TTC39C: variants seen among roughly 807,000 people sequenced by gnomAD.
TTC39C encodes the protein tetratricopeptide repeat domain 39C.
TTC39C carries 33 observed loss-of-function variants against 76.3 expected under a neutral mutation model. The ratio of observed to expected loss-of-function variants is 0.43; its 90% CI spans 0.33 to 0.58. The LOEUF is 0.58. Ranked by LOEUF, TTC39C falls within the 20% of genes least tolerant of loss-of-function variation. TTC39C has a pLI of 0.04. For synonymous variants in TTC39C, 254 were observed against 260.6 expected (o/e 0.97, Z 0.24); for missense variants, 595 against 701.4 (o/e 0.85, Z 1.71).
At chr18:24,092,593 C>A (rs2084537757) in intron 6 of TTC39C, among the ~76,000 whole-genome samples, 1 of 152,064 alleles carries the variant, frequency 6.6e-6, no homozygotes, top group South Asian at 2.1e-4. Flanking sequence ...CATGGAGGAA[C>A]CTTGAAAACA....
rs373312838 is a variant in TTC39C at position 24,019,893 on chromosome 18, G to A, written c.167+4855G>A. On this transcript the variant is annotated intron_variant, in intron 1 of 13. Transcript: ENST00000317571. The stretch of plus-strand genomic sequence containing the variant: ...TTTTGACTTCTGAGAAAACCTCAGC[G>A]CTTCCTGGAGAAACTCAAAGGCGCT... 6.0e-5 allele frequency: 92 copies of A among 1,525,538 alleles called. 1 individual carries two copies. The African/African-American group carries it at 7.8e-4, about 13-fold the overall frequency. The allele number at this position is 1,525,538 out of a possible 1,614,324, so 94.5% of individuals were successfully genotyped here.
intron 6 of TTC39C, among the ~76,000 whole-genome samples, chr18:24,088,202 C>T (rs2084469764): frequency 6.6e-6 from 1 of 152,138 alleles, no homozygotes; most frequent in African/African-American, 2.4e-5. Flanking sequence ...AGTTTCATTT[C>T]TTGAGAGTCA....
chr18:24,026,606 T>G (rs1403412930), intron 1 of TTC39C, among the ~76,000 whole-genome samples: 3 of 152,192 alleles, frequency 2.0e-5, no homozygotes, highest in Non-Finnish European at 4.4e-5. Flanking sequence ...ACATGTTAGC[T>G]CAGCCTGTTT....
chr18:24,112,782 T>C (rs1009264161), intron 6 of TTC39C, among the ~76,000 whole-genome samples: 2 of 152,210 alleles, frequency 1.3e-5, no homozygotes, highest in African/African-American at 2.4e-5. Flanking sequence ...GAGAGATGTT[T>C]GCAAAGCTGA....
At chr18:24,028,479 T>C (rs951470578) in intron 1 of TTC39C, among the ~76,000 whole-genome samples, 2 of 152,142 alleles carry the variant, frequency 1.3e-5, no homozygotes, top group Admixed American at 6.5e-5. Context: ...GTCTAGAAAT[T>C]TATACTTAAG....
intron 6 of TTC39C, among the ~76,000 whole-genome samples, chr18:24,095,258 G>C (rs1335020470): frequency 6.6e-6 from 1 of 152,228 alleles, no homozygotes; most frequent in Non-Finnish European, 1.5e-5. Flanking sequence ...TTAGGATCTT[G>C]CTCTGGATGA....
At chr18:24,074,824 T>A (rs1162498756) in intron 4 of TTC39C, among the ~76,000 whole-genome samples, 1 of 152,166 alleles carries the variant, frequency 6.6e-6, no homozygotes. Flanking sequence ...GGATTATAAA[T>A]CATGCTGCTA....
chr18:24,085,089 T>G (rs1030528772), intron 6 of TTC39C, among the ~76,000 whole-genome samples: 1 of 152,262 alleles, frequency 6.6e-6, no homozygotes, highest in African/African-American at 2.4e-5. Context: ...CTGGGTTTAG[T>G]GTTTAACAGA....
intron 1 of TTC39C, among the ~76,000 whole-genome samples, chr18:24,047,129 G>A (rs1320715171): frequency 3.3e-5 from 5 of 150,976 alleles, no homozygotes; most frequent in Admixed American, 1.3e-4. Context: ...AGTCTCACTC[G>A]GTCACACAGG....
At chr18:24,016,634 A>G (rs1407327857) in intron 1 of TTC39C, 5 of 398,388 alleles carry the variant, frequency 1.3e-5, no homozygotes, top group Non-Finnish European at 1.3e-5. Flanking sequence ...TTTTTGCACT[A>G]TCTAAGAAAT....
intron 8 of TTC39C, among the ~76,000 whole-genome samples, chr18:24,119,554 G>A (rs1318729518): frequency 6.6e-6 from 1 of 152,110 alleles, no homozygotes; most frequent in Non-Finnish European, 1.5e-5. Context: ...CGGTCCATTA[G>A]CAAATGGACC....
chr18:23,995,688 C>A (rs777090698), intron 1 of TTC39C, among the ~76,000 whole-genome samples: 17 of 151,604 alleles, frequency 1.1e-4, no homozygotes, highest in Admixed American at 2.6e-4. Context: ...GCAACCATAG[C>A]AAAACCCCAT....
At chr18:24,101,005 T>C (rs2129616) in intron 6 of TTC39C, among the ~76,000 whole-genome samples, 64,488 of 152,038 alleles carry the variant, frequency 0.42, 15,813 homozygotes, top group Non-Finnish European at 0.56. Flanking sequence ...AATATGCAGG[T>C]ATGCTATGTT....
intron 6 of TTC39C, among the ~76,000 whole-genome samples, chr18:24,112,587 G>A (rs956393311): frequency 1.3e-5 from 2 of 152,138 alleles, no homozygotes; most frequent in African/African-American, 4.8e-5. Flanking sequence ...TATCTCCAGA[G>A]CCTGTCCCTG....
At position 24,130,363 on chromosome 18, in the gene TTC39C, T is replaced by C. The variant is rs2085109430; in HGVS notation, c.1569T>C (p.Tyr523=). The change falls in exon 12 of 14, where the codon TAT becomes TAC. Residue 523 remains tyrosine, a synonymous_variant. Coordinates refer to ENST00000317571, the MANE Select transcript of TTC39C (RefSeq NM_001135993.2). ...KDELCRQNNL[Y]VQPYACYELG... ...AATTGTGTCGTCAGAATAACTTATA[T>C]GTTCAGCCGTATGCCTGTTATGAAC... The C allele has an allele frequency of 6.3e-7, 1 of 1,592,872 alleles. No homozygotes were observed. The highest frequency in any genetic ancestry group is 8.5e-7 in the Non-Finnish European group (1 of 1,170,664).
chr18:24,019,819 G>A (rs1256069781), intron 1 of TTC39C: 3 of 1,481,984 alleles, frequency 2.0e-6, no homozygotes, highest in East Asian at 5.0e-5. Context: ...AGACCATATG[G>A]CATGCAAAGC....
chr18:24,082,359 T>G (rs1032365792), intron 5 of TTC39C, among the ~76,000 whole-genome samples: 1 of 152,150 alleles, frequency 6.6e-6, no homozygotes, highest in Non-Finnish European at 1.5e-5. Flanking sequence ...AATTTGTGTC[T>G]GTGGTTTCCA....
At chr18:24,034,728 A>G (rs1383271396) in intron 1 of TTC39C, among the ~76,000 whole-genome samples, 2 of 152,222 alleles carry the variant, frequency 1.3e-5, no homozygotes, top group African/African-American at 4.8e-5. Flanking sequence ...GGAATCATAC[A>G]GTATTTATCT....
At chr18:24,119,889 G>C (rs2084943031) in intron 8 of TTC39C, among the ~76,000 whole-genome samples, 1 of 152,074 alleles carries the variant, frequency 6.6e-6, no homozygotes, top group Admixed American at 6.6e-5. Flanking sequence ...ATGGTGGACA[G>C]CTATTTATTT....
Sources: allele counts gnomAD v4.1 joint callset (sites outside exome capture counted in the v4.1 genomes callset), GRCh38; gene constraint gnomAD v4.1.1; transcripts MANE v1.5; gene names NCBI Gene and HGNC (gene_info 2026-07-23, HGNC 2026-07-21).